Variants in PARN observed in about 807,000 individuals in gnomAD.
The protein encoded by PARN is poly(A)-specific ribonuclease, also known as poly(A)-specific ribonuclease PARN.
Under a neutral mutation model 102.8 loss-of-function variants are expected in PARN, and 71 were observed. That is an observed-to-expected ratio of 0.69 (90% CI 0.57 to 0.84). PARN has a LOEUF of 0.84. PARN is among the 40% of genes least tolerant of loss of function. The pLI is 0.00. For missense variants in PARN, 782 were observed against 760.9 expected, an observed-to-expected ratio of 1.03 and a Z score of -0.33; for synonymous variants, 261 against 252.9, an observed-to-expected ratio of 1.03 and a Z score of -0.30.
At chr16:14,625,500 G>GA (rs777190858) in intron 5 of PARN, among the ~76,000 whole-genome samples, 1 of 151,422 alleles carries the variant, frequency 6.6e-6, no homozygotes, top group Non-Finnish European at 1.5e-5. Context: ...TTCATCTCAA[G>GA]AAAAAAAAGA....
At chr16:14,551,378 G>C (rs561898276) in intron 21 of PARN, among the ~76,000 whole-genome samples, 6 of 151,874 alleles carry the variant, frequency 4.0e-5, no homozygotes, top group Middle Eastern at 3.4e-3. Flanking sequence ...AGACCAAACC[G>C]GCCAACATCG....
At chr16:14,476,716 G>A (rs1228810784) in intron 22 of PARN, among the ~76,000 whole-genome samples, 3 of 152,082 alleles carry the variant, frequency 2.0e-5, no homozygotes, top group African/African-American at 4.8e-5. Flanking sequence ...GAATGGGCAA[G>A]GCTGTGTTCC....
At chr16:14,469,702 A>C (rs1432542045) in intron 22 of PARN, among the ~76,000 whole-genome samples, 1 of 139,370 alleles carries the variant, frequency 7.2e-6, no homozygotes, top group Non-Finnish European at 1.6e-5. Flanking sequence ...AAAAAGCATA[A>C]AGTGTCAAAA....
intron 21 of PARN, among the ~76,000 whole-genome samples, chr16:14,500,975 A>C (rs1964554831): frequency 6.6e-6 from 1 of 152,212 alleles, no homozygotes; most frequent in Admixed American, 6.5e-5. Context: ...CCATGGCTAC[A>C]GATTCTTCTG....
chr16:14,548,011 G>A (rs967063095), intron 21 of PARN, among the ~76,000 whole-genome samples: 2 of 152,066 alleles, frequency 1.3e-5, no homozygotes, highest in African/African-American at 2.4e-5. Context: ...TTGGAAGGCC[G>A]AAGAGTGCAG....
intron 6 of PARN, among the ~76,000 whole-genome samples, chr16:14,613,309 C>CAAAA (rs754334898): frequency 8.2e-5 from 6 of 73,386 alleles, no homozygotes; most frequent in African/African-American, 3.2e-4. Context: ...AACTCCATCT[C>CAAAA]AAAAAAAAAA....
At chr16:14,556,453 C>T (rs1967697608) in intron 18 of PARN, among the ~76,000 whole-genome samples, 1 of 152,154 alleles carries the variant, frequency 6.6e-6, no homozygotes, top group East Asian at 1.9e-4. Context: ...AGCCACTGCA[C>T]CAGCCATGTA....
At chr16:14,450,461 C>T (rs958647715) in intron 22 of PARN, among the ~76,000 whole-genome samples, 9 of 151,998 alleles carry the variant, frequency 5.9e-5, no homozygotes, top group African/African-American at 1.9e-4. Flanking sequence ...ATTGGAGATA[C>T]GGGTTTAGGC....
intron 21 of PARN, among the ~76,000 whole-genome samples, chr16:14,496,784 CA>C (rs1312459397): frequency 3.3e-5 from 5 of 152,140 alleles, no homozygotes; most frequent in African/African-American, 1.2e-4. Flanking sequence ...AAACAGATAC[CA>C]ATCATGGTTT....
At chr16:14,574,797 C>T (rs1167415122) in intron 18 of PARN, among the ~76,000 whole-genome samples, 1 of 152,148 alleles carries the variant, frequency 6.6e-6, no homozygotes, top group Non-Finnish European at 1.5e-5. Flanking sequence ...GAGCCAAAGA[C>T]AATGGGGAAA....
chr16:14,586,636 AG>A (rs1451260170), intron 13 of PARN, among the ~76,000 whole-genome samples: 1 of 152,178 alleles, frequency 6.6e-6, no homozygotes, highest in Non-Finnish European at 1.5e-5. Flanking sequence ...GGGAAGGGGC[AG>A]GGGGTCCAAT....
At chr16:14,443,371 GC>G (rs1231468271) in intron 23 of PARN, among the ~76,000 whole-genome samples, 5 of 144,492 alleles carry the variant, frequency 3.5e-5, no homozygotes, top group African/African-American at 1.3e-4. Flanking sequence ...ACAGAGTTTC[GC>G]TCTTGTAACT....
intron 21 of PARN, among the ~76,000 whole-genome samples, chr16:14,496,684 T>G (rs1157492157): frequency 6.6e-6 from 1 of 152,194 alleles, no homozygotes; most frequent in Non-Finnish European, 1.5e-5. Context: ...GAACTCTGAA[T>G]AAATTCCACT....
At chr16:14,489,704 G>C (rs529066347) in intron 21 of PARN, among the ~76,000 whole-genome samples, 1 of 152,164 alleles carries the variant, frequency 6.6e-6, no homozygotes, top group Non-Finnish European at 1.5e-5. Context: ...CTTCTTAGAG[G>C]GTTGAAACCA....
chr16:14,567,439 T>C (rs922930600), intron 18 of PARN, among the ~76,000 whole-genome samples: 2 of 152,210 alleles, frequency 1.3e-5, no homozygotes, highest in African/African-American at 4.8e-5. Context: ...TCAACAATCA[T>C]ACCACTGTCC....
chr16:14,607,110 C>T (rs1971235400), intron 9 of PARN, among the ~76,000 whole-genome samples: 1 of 152,070 alleles, frequency 6.6e-6, no homozygotes, highest in African/African-American at 2.4e-5. Context: ...AAATGTCCTA[C>T]ATCTCAAAAT....
chr16:14,454,961 C>T (rs775885684), intron 22 of PARN, among the ~76,000 whole-genome samples: 20 of 152,108 alleles, frequency 1.3e-4, no homozygotes, highest in Non-Finnish European at 2.2e-4. Flanking sequence ...GAGAAAAGCA[C>T]GTATTTCAAT....
intron 21 of PARN, among the ~76,000 whole-genome samples, chr16:14,501,265 C>CAA (rs573188807): frequency 4.8e-5 from 6 of 125,392 alleles, no homozygotes; most frequent in Admixed American, 4.0e-4. Flanking sequence ...CCCATCTTTA[C>CAA]AAAAAAAAAC....
At chr16:14,437,865 C>G (rs546068101) in intron 23 of PARN, among the ~76,000 whole-genome samples, 70 of 152,258 alleles carry the variant, frequency 4.6e-4, no homozygotes, top group African/African-American at 1.7e-3. Context: ...TCATCAGTAA[C>G]AGGGATGCTT....
Sources: allele counts gnomAD v4.1 joint callset (sites outside exome capture counted in the v4.1 genomes callset), GRCh38; gene constraint gnomAD v4.1.1; transcripts MANE v1.5; gene names NCBI Gene and HGNC (gene_info 2026-07-23, HGNC 2026-07-21).